TRPC3: variants seen among roughly 807,000 people sequenced by gnomAD.
TRPC3 encodes transient receptor potential cation channel subfamily C member 3.
TRPC3 carries 54 observed loss-of-function variants against 90.9 expected under a neutral mutation model. The ratio of observed to expected loss-of-function variants is 0.59; its 90% CI spans 0.48 to 0.75. The LOEUF (loss-of-function observed/expected upper bound fraction) is 0.75, where lower values mean the gene tolerates loss of function less well. TRPC3 is among the 30% of genes least tolerant of loss of function. TRPC3 has a pLI of 0.00. For synonymous variants in TRPC3, 424 were observed against 450.9 expected, an observed-to-expected ratio of 0.94 and a Z score of 0.75; for missense variants, 918 against 1,194.5, an observed-to-expected ratio of 0.77 and a Z score of 3.41.
chr4:121,904,456 C>T lies in TRPC3; in HGVS notation c.2119G>A (p.Val707Ile), dbSNP rs200581023. 6.9e-6 allele frequency: 11 copies of T among 1,598,600 alleles called. No homozygotes were observed. Among genetic ancestry groups the T allele is most frequent in the Non-Finnish European group, 9.4e-6 (11 of 1,174,572 alleles). The change falls in exon 8 of 12, where the codon GTT (valine) becomes ATT (isoleucine). Residue 707 changes from valine to isoleucine, a missense_variant. By Grantham distance (29) the Val-to-Ile change is conservative. This residue lies in a region of TRPC3 where 147 missense variants were observed against 263.5 expected (regional missense o/e 0.56). Coordinates refer to ENST00000379645, the MANE Select transcript of TRPC3 (RefSeq NM_001130698.2). ...SIFGLSEVTS[V>I]VLKYDHKFIE... Reference sequence around the variant, plus strand: ...AATTTGTGATCATATTTGAGCACAACGGAAGTCACTTCAGACAACCCAAAT... The same window carrying T: ...AATTTGTGATCATATTTGAGCACAATGGAAGTCACTTCAGACAACCCAAAT...
At chr4:121,894,213 A>G (rs1728431497) in intron 10 of TRPC3, among the ~76,000 whole-genome samples, 1 of 152,156 alleles carries the variant, frequency 6.6e-6, no homozygotes, top group Non-Finnish European at 1.5e-5. Flanking sequence ...GATGGAATAC[A>G]ATGTAACTAC....
intron 10 of TRPC3, among the ~76,000 whole-genome samples, chr4:121,897,942 T>C (rs940470592): frequency 3.3e-5 from 5 of 152,164 alleles, no homozygotes; most frequent in African/African-American, 4.8e-5. Flanking sequence ...AAATGTAGTA[T>C]ATATACACAA....
At position 121,932,476 on chromosome 4, in the gene TRPC3, C is replaced by T. The variant is rs754864506; in HGVS notation, c.782G>A (p.Arg261Gln). Reference protein sequence around the residue: ...MLLMKGARIERPHDYFCKCGD... With the variant: ...MLLMKGARIEQPHDYFCKCGD... ...GCACTTGCAGAAATAGTCGTGCGGCCGCTCGATCCTGGCACCCTTCATCAG... is the reference window on the plus strand; with the variant it reads ...GCACTTGCAGAAATAGTCGTGCGGCTGCTCGATCCTGGCACCCTTCATCAG... The change falls in exon 2 of 12, where the codon CGG becomes CAG. Residue 261 changes from arginine to glutamine, a missense_variant. Transcript: ENST00000379645. The surrounding 1 kb of genome is among the most constrained non-coding windows in gnomAD (Gnocchi z 7.7). The T allele has an allele frequency of 2.5e-6, 4 of 1,614,070 alleles. No homozygotes were observed. Among genetic ancestry groups the T allele is most frequent in the East Asian group, 4.5e-5 (2 of 44,880 alleles).
intron 10 of TRPC3, among the ~76,000 whole-genome samples, chr4:121,887,829 A>G (rs1400127598): frequency 1.3e-5 from 2 of 152,206 alleles, no homozygotes; most frequent in African/African-American, 2.4e-5. Context: ...TAAATAAAAT[A>G]TTGTTAAAAT....
intron 1 of TRPC3, among the ~76,000 whole-genome samples, chr4:121,941,587 C>CAAAAGACAAGAAAGTCAGAGAAG (rs137945445): frequency 6.6e-6 from 1 of 150,816 alleles, no homozygotes; most frequent in Non-Finnish European, 1.5e-5. Flanking sequence ...CAGGTACTGA[C>CAAAAGACAAGAAAGTCAGAGAAG]AAAAGACAAG....
At chr4:121,916,285 G>T (rs747288870) in intron 3 of TRPC3, among the ~76,000 whole-genome samples, 15 of 152,070 alleles carry the variant, frequency 9.9e-5, no homozygotes, top group South Asian at 2.1e-4. Context: ...GGCGATGTAG[G>T]TTCAATTTCC....
At chr4:121,902,386 G>A (rs992031986) in intron 9 of TRPC3, among the ~76,000 whole-genome samples, 2 of 151,854 alleles carry the variant, frequency 1.3e-5, no homozygotes, top group African/African-American at 4.8e-5. Flanking sequence ...GATGCTCTTG[G>A]GCCTGTATCT....
intron 10 of TRPC3, among the ~76,000 whole-genome samples, chr4:121,891,235 C>A (rs974866228): frequency 6.6e-6 from 1 of 152,082 alleles, no homozygotes; most frequent in African/African-American, 2.4e-5. Flanking sequence ...TAAATTATAA[C>A]CTAAGTATAT....
intron 1 of TRPC3, among the ~76,000 whole-genome samples, chr4:121,941,452 G>A (rs1229855824): frequency 1.3e-5 from 2 of 152,156 alleles, no homozygotes; most frequent in Non-Finnish European, 2.9e-5. Context: ...AAGGGCAGAT[G>A]GAGCCACAGA....
Position 121,932,811 on chromosome 4 carries a change from G to T in TRPC3, c.447C>A (p.Asn149Lys). ...CGTTGCCCACAGCCAGCTGCAGCGC[G>T]TTCTGGCCCATGTAGTCCACGCAGT... is the stretch of plus-strand genomic sequence containing the variant. The part of the protein sequence containing the change: ...NVNCVDYMGQ[N>K]ALQLAVGNEH... Residue 149 changes from asparagine to lysine, a missense_variant, in exon 2 of 12, where the codon AAC (asparagine) becomes AAA (lysine). Transcript: ENST00000379645. The surrounding 1 kb of genome is among the most constrained non-coding windows in gnomAD (Gnocchi z 7.7). 1.2e-6 allele frequency: 2 copies of T among 1,610,488 alleles called. No individual in the cohort carries two copies. Among genetic ancestry groups the T allele is most frequent in the Non-Finnish European group, 1.7e-6 (2 of 1,177,452 alleles).
intron 1 of TRPC3, among the ~76,000 whole-genome samples, chr4:121,944,778 A>G (rs1218731244): frequency 6.6e-6 from 1 of 152,236 alleles, no homozygotes; most frequent in Non-Finnish European, 1.5e-5. Context: ...ATTTAAATGA[A>G]TTAATTGGAT....
rs553214865 is a variant in TRPC3, at chr4:121,878,158, C to T, written c.*1578G>A. 2.6e-5 allele frequency among the ~76,000 whole-genome samples: 4 copies of T among 152,166 alleles called. 1 individual carries two copies. In the East Asian group the frequency reaches 5.8e-4, roughly 22 times the overall value. On this transcript the variant is annotated 3_prime_UTR_variant, in exon 12 of 12. Transcript: ENST00000379645. ...CATAAAGTTTGAAAAATGTTTAAGA[C>T]GAATACTCTTAGCATGGCACAAAAG...
At position 121,879,243 on chromosome 4, in the gene TRPC3, A is replaced by C. The variant is rs201758319; in HGVS notation, c.*493T>G. 9 of 152,022 alleles carry C rather than the reference A, an allele frequency of 5.9e-5. No individual in the cohort carries two copies. The highest frequency in any genetic ancestry group is 1.3e-4 in the Non-Finnish European group (9 of 68,042). 9.4% of individuals were successfully genotyped at this position (152,022 alleles called of 1,614,324 possible). A position where few individuals can be genotyped will look rare whatever the true frequency, so the allele number is the denominator to read the frequency against. On this transcript the variant is annotated 3_prime_UTR_variant, in exon 12 of 12. Transcript: ENST00000379645. ...CTTCAGTTTCTATTAAAAAAAAAAA[A>C]AAAAAACCTCTTCAGAACTTGGACA...
At chr4:121,920,489 A>C (rs912316215) in intron 3 of TRPC3, among the ~76,000 whole-genome samples, 4 of 152,116 alleles carry the variant, frequency 2.6e-5, no homozygotes, top group Admixed American at 2.6e-4. Context: ...TCGCCACTGC[A>C]CTCAAGCCTG....
At chr4:121,947,023 A>G (rs1018618619) in intron 1 of TRPC3, among the ~76,000 whole-genome samples, 3 of 151,820 alleles carry the variant, frequency 2.0e-5, no homozygotes, top group African/African-American at 2.4e-5. Context: ...TCGATACAAA[A>G]AATTTTACAA....
intron 10 of TRPC3, among the ~76,000 whole-genome samples, chr4:121,888,848 C>A (rs1348038734): frequency 6.6e-6 from 1 of 152,046 alleles, no homozygotes; most frequent in Non-Finnish European, 1.5e-5. Context: ...CAAATCCTAC[C>A]CCTCCAATGT....
chr4:121,884,509 A>G (rs975376332), intron 10 of TRPC3, among the ~76,000 whole-genome samples: 1 of 152,210 alleles, frequency 6.6e-6, no homozygotes, highest in African/African-American at 2.4e-5. Context: ...ATAAAAGATA[A>G]CAAAGGAAAG....
intron 1 of TRPC3, among the ~76,000 whole-genome samples, chr4:121,934,224 C>T (rs530468371): frequency 1.3e-5 from 2 of 152,104 alleles, no homozygotes; most frequent in Admixed American, 6.5e-5. Context: ...GGTAGAAAAT[C>T]GAATTTTATG....
intron 1 of TRPC3, among the ~76,000 whole-genome samples, chr4:121,948,945 C>G (rs956859279): frequency 6.6e-6 from 1 of 151,940 alleles, no homozygotes; most frequent in African/African-American, 2.4e-5. Flanking sequence ...CTCATTCCCA[C>G]CTCTCCCTCA....
Sources: allele counts gnomAD v4.1 joint callset (sites outside exome capture counted in the v4.1 genomes callset), GRCh38; gene constraint gnomAD v4.1.1; regional missense constraint gnomAD v4.1.1; non-coding constraint Gnocchi (gnomAD v3.1); transcripts MANE v1.5; gene names NCBI Gene and HGNC (gene_info 2026-07-23, HGNC 2026-07-21).